Variants in LPIN2 observed in about 807,000 individuals in gnomAD.
LPIN2 encodes lipin 2, also known as phosphatidate phosphatase LPIN2.
Under a neutral mutation model 111.4 loss-of-function variants are expected in LPIN2, and 55 were observed. That is an observed-to-expected ratio of 0.49 (90% CI 0.40 to 0.62). LPIN2 has a LOEUF of 0.62. Among genes scored for constraint, LPIN2 ranks in the 20% least tolerant of loss-of-function variants. The pLI is 0.00. For missense variants in LPIN2, 992 were observed against 1,112.1 expected, an observed-to-expected ratio of 0.89 and a Z score of 1.54; for synonymous variants, 425 against 414.0, an observed-to-expected ratio of 1.03 and a Z score of -0.32.
At chr18:2,965,867 G>A (rs1207899848) in intron 1 of LPIN2, among the ~76,000 whole-genome samples, 2 of 151,906 alleles carry the variant, frequency 1.3e-5, no homozygotes, top group African/African-American at 4.8e-5. Flanking sequence ...AGTAATCAGA[G>A]ATAAAAGGTA....
chr18:2,985,443 G>T (rs2078174015), intron 1 of LPIN2: 1 of 151,854 alleles, frequency 6.6e-6, no homozygotes, highest in Admixed American at 6.6e-5. Context: ...CATCTTCAAT[G>T]ATCTTTTTTT....
chr18:2,960,505 C>T (rs2077695931), intron 2 of LPIN2, 144 bp downstream of exon 2: 3 of 767,452 alleles, frequency 3.9e-6, no homozygotes, highest in Non-Finnish European at 6.5e-6. Context: ...GTCTCAACAT[C>T]ATTCAGGTTA....
intron 1 of LPIN2, among the ~76,000 whole-genome samples, chr18:3,009,870 C>T (rs900093812): frequency 6.6e-6 from 1 of 152,196 alleles, no homozygotes; most frequent in Non-Finnish European, 1.5e-5. Context: ...AAAATGTTTA[C>T]TTTATCATCA....
At chr18:2,942,271 C>T (rs1254151944) in intron 4 of LPIN2, among the ~76,000 whole-genome samples, 1 of 152,028 alleles carries the variant, frequency 6.6e-6, no homozygotes, top group Non-Finnish European at 1.5e-5. Context: ...AAAACATATA[C>T]CTGAGAAAGA....
chr18:3,002,196 A>C (rs1390561918), intron 1 of LPIN2, among the ~76,000 whole-genome samples: 1 of 150,438 alleles, frequency 6.6e-6, no homozygotes, highest in African/African-American at 2.4e-5. Flanking sequence ...ATAGCACTGA[A>C]AGATTCAGCC....
At chr18:2,935,997 C>A (rs754200956) in intron 7 of LPIN2, among the ~76,000 whole-genome samples, 1 of 152,164 alleles carries the variant, frequency 6.6e-6, no homozygotes, top group Non-Finnish European at 1.5e-5. Flanking sequence ...GGATTTCCCC[C>A]CTTAACATTT....
At chr18:2,921,336 G>A (rs1443551605) in intron 18 of LPIN2, 197 bp downstream of exon 18, 2 of 625,818 alleles carry the variant, frequency 3.2e-6, no homozygotes, top group Non-Finnish European at 5.7e-6. Context: ...TATAAATTCT[G>A]GGGCAGATCT....
intron 5 of LPIN2, 89 bp downstream of exon 5, chr18:2,940,516 G>T: frequency 5.2e-6 from 4 of 764,054 alleles, no homozygotes; most frequent in Non-Finnish European, 9.2e-6. Flanking sequence ...GAGAGAAATG[G>T]GAAATATCAT....
At chr18:2,954,327 C>T (rs2077578893) in intron 3 of LPIN2, among the ~76,000 whole-genome samples, 177 bp downstream of exon 3, 1 of 152,210 alleles carries the variant, frequency 6.6e-6, no homozygotes, top group Non-Finnish European at 1.5e-5. Context: ...AGAAAAATTC[C>T]TCATCCCTTC....
intron 11 of LPIN2, 39 bp from the exon 12 acceptor site, chr18:2,927,850 T>C: frequency 1.9e-6 from 3 of 1,545,792 alleles, no homozygotes; most frequent in Non-Finnish European, 2.7e-6. Context: ...GGCAATCTAC[T>C]GGCCACACAG....
chr18:2,945,258 G>A (rs2077432727), intron 4 of LPIN2, among the ~76,000 whole-genome samples: 1 of 152,108 alleles, frequency 6.6e-6, no homozygotes, highest in Admixed American at 6.5e-5. Flanking sequence ...GAAATACAAA[G>A]AAATACTGCA....
At chr18:2,985,690 C>T (rs959134446) in intron 1 of LPIN2, among the ~76,000 whole-genome samples, 1 of 152,004 alleles carries the variant, frequency 6.6e-6, no homozygotes, top group Non-Finnish European at 1.5e-5. Context: ...GAGGGTATAA[C>T]GATTTATTTA....
chr18:2,993,327 GA>G (rs2078295345), intron 1 of LPIN2, among the ~76,000 whole-genome samples: 1 of 152,188 alleles, frequency 6.6e-6, no homozygotes, highest in South Asian at 2.1e-4. Context: ...TTTAAAATGA[GA>G]ATATATTTGT....
intron 8 of LPIN2, among the ~76,000 whole-genome samples, chr18:2,934,000 T>C (rs903793928): frequency 6.6e-6 from 1 of 152,222 alleles, no homozygotes; most frequent in Non-Finnish European, 1.5e-5. Context: ...AAAGATGTGT[T>C]TCTTTTAAAA....
At chr18:2,969,494 C>A (rs776173353) in intron 1 of LPIN2, among the ~76,000 whole-genome samples, 13 of 152,190 alleles carry the variant, frequency 8.5e-5, no homozygotes, top group Non-Finnish European at 1.6e-4. Flanking sequence ...TAAATCAGAG[C>A]AACCCCATCA....
intron 18 of LPIN2, 40 bp from the exon 19 acceptor site, chr18:2,920,921 G>T: frequency 1.5e-6 from 2 of 1,315,400 alleles, no homozygotes. Flanking sequence ...CCAGGGAGGA[G>T]AATTCAGGAG....
chr18:2,986,605 G>C (rs916832763), intron 1 of LPIN2, among the ~76,000 whole-genome samples: 63 of 149,444 alleles, frequency 4.2e-4, no homozygotes, highest in African/African-American at 1.4e-3. Flanking sequence ...CAAGTTCAAA[G>C]GTTAATGCAA....
intron 1 of LPIN2, among the ~76,000 whole-genome samples, chr18:3,012,716 G>A (rs190593872): frequency 0.017 from 2,523 of 152,204 alleles, 64 homozygotes; most frequent in African/African-American, 0.057. Context: ...CAAACCCAGG[G>A]GTAGGGGTGG....
intron 1 of LPIN2, among the ~76,000 whole-genome samples, chr18:3,000,030 G>GTTT (rs57443537): frequency 4.7e-4 from 67 of 142,892 alleles, no homozygotes; most frequent in South Asian, 1.3e-3. Context: ...TCTCTGTTTT[G>GTTT]TTTTTTTTTT....
Sources: allele counts gnomAD v4.1 joint callset (sites outside exome capture counted in the v4.1 genomes callset), GRCh38; gene constraint gnomAD v4.1.1; transcripts MANE v1.5; gene names NCBI Gene and HGNC (gene_info 2026-07-23, HGNC 2026-07-21).